Variants in OGA observed in about 807,000 individuals in gnomAD.
The protein encoded by OGA is O-GlcNAcase, also known as protein O-GlcNAcase.
Under a neutral mutation model 102.0 loss-of-function variants are expected in OGA, and 21 were observed. The ratio of observed to expected loss-of-function variants is 0.21; its 90% CI spans 0.15 to 0.30. The LOEUF is 0.30. Among genes scored for constraint, OGA ranks in the 10% least tolerant of loss-of-function variants. OGA has a pLI of 1.00. For synonymous variants in OGA, 408 were observed against 378.2 expected (o/e 1.08, Z -0.91); for missense variants, 765 against 1,107.8 (o/e 0.69, Z 4.39).
Position 101,818,305 on chromosome 10 carries a change from G to A in OGA, c.-283C>T, listed in dbSNP as rs891320936. The A allele has an allele frequency of 8.8e-5, 107 of 1,213,292 alleles. No homozygotes were observed. The highest frequency in any genetic ancestry group is 1.1e-4 in the Non-Finnish European group (104 of 970,996). 75.2% of individuals were successfully genotyped at this position (1,213,292 alleles called of 1,614,324 possible). A position where few individuals can be genotyped will look rare whatever the true frequency, so the allele number is the denominator to read the frequency against. On this transcript the variant is annotated 5_prime_UTR_variant, in exon 1 of 16. Transcript: ENST00000361464. ...CGAGGCTGTGACCTCTCGTTCCCTG[G>A]AAGAAGACGGCCAAGGGTCCTGTCC... is the stretch of plus-strand genomic sequence containing the variant.
rs2065331122 is a variant in OGA, at chr10:101,797,527, G to A, written c.1984+453C>T. 4 of 214,032 alleles carry A rather than the reference G, an allele frequency of 1.9e-5. No homozygotes were observed. The South Asian group carries it at 3.5e-4, about 19-fold the overall frequency. 13.3% of individuals were successfully genotyped at this position (214,032 alleles called of 1,614,324 possible). ...ACACTAAAGCTCGCATGCGCACAGG[G>A]CTGGGAGGATGGCTTCCTCTTGCCA... On this transcript the variant is annotated intron_variant, in intron 10 of 15. Transcript: ENST00000361464.
intron 15 of OGA, 64 bp from the exon 16 acceptor site, chr10:101,786,651 A>G: frequency 2.3e-6 from 3 of 1,293,600 alleles, no homozygotes; most frequent in Non-Finnish European, 2.1e-6. Flanking sequence ...TATAGATATA[A>G]AACTATAATC....
intron 6 of OGA, among the ~76,000 whole-genome samples, chr10:101,804,851 C>T (rs1465050127): frequency 6.6e-6 from 1 of 152,150 alleles, no homozygotes; most frequent in African/African-American, 2.4e-5. Context: ...TCAACTCAAG[C>T]CTCCCACAGC....
rs1219101094 is a variant in OGA, at chr10:101,818,440, T to G, written c.-418A>C. 5.0e-6 allele frequency: 5 copies of G among 1,005,808 alleles called. No homozygotes were observed. The highest frequency in any genetic ancestry group is 1.7e-5 in the African/African-American group (1 of 57,740). 62.3% of individuals were successfully genotyped at this position (1,005,808 alleles called of 1,614,324 possible). A position where few individuals can be genotyped will look rare whatever the true frequency, so the allele number is the denominator to read the frequency against. On this transcript the variant is annotated 5_prime_UTR_variant, in exon 1 of 16. Coordinates refer to ENST00000361464, the MANE Select transcript of OGA (RefSeq NM_012215.5). ...GCCTCCACCGCCCGCTTCCTGTTTA[T>G]CCGCACTGCGCTTGCGCTGCAGACC...
At position 101,807,883 on chromosome 10, in the gene OGA, T is replaced by C; in HGVS notation, c.499A>G (p.Arg167Gly). The C allele has an allele frequency of 2.6e-6, 4 of 1,541,414 alleles. 1 individual carries two copies. The highest frequency in any genetic ancestry group is 2.5e-5 in the South Asian group (2 of 78,580). ...KLDQVSQFGC[R>G]SFALLFDDID... ...TCATCAAAAAGCAAAGCAAATGATC[T>C]GCACCCAAACTGAGAAACCTAGGAG... The change falls in exon 5 of 16, where the codon AGA becomes GGA. Residue 167 changes from arginine (R) to glycine (G), a missense_variant. Arg to Gly is a moderately radical substitution (Grantham distance 125). Transcript: ENST00000361464.
At chr10:101,803,662 T>G in intron 7 of OGA, 73 bp downstream of exon 7, 1 of 1,374,080 alleles carries the variant, frequency 7.3e-7, no homozygotes. Context: ...GACAAAGGAA[T>G]GCATACTTTC....
intron 3 of OGA, among the ~76,000 whole-genome samples, chr10:101,812,261 G>A (rs889853701): frequency 6.6e-6 from 1 of 152,054 alleles, no homozygotes; most frequent in African/African-American, 2.4e-5. Context: ...TAGCAGGCCG[G>A]CCGGGCACAG....
chr10:101,800,870 G>A (rs1231425855), intron 7 of OGA, among the ~76,000 whole-genome samples: 1 of 150,820 alleles, frequency 6.6e-6, no homozygotes, highest in African/African-American at 2.4e-5. Context: ...CGCCTCACAG[G>A]TTCAAGCAAT....
chr10:101,817,695 T>G, intron 1 of OGA, 129 bp downstream of exon 1: 2 of 1,073,976 alleles, frequency 1.9e-6, no homozygotes, highest in African/African-American at 1.6e-5. Context: ...CTCCCCTCGC[T>G]TTAGGAGGGC....
chr10:101,812,976 T>C, intron 3 of OGA, 54 bp downstream of exon 3: 1 of 1,307,392 alleles, frequency 7.6e-7, no homozygotes, highest in Non-Finnish European at 1.1e-6. Flanking sequence ...ACATTTAAAA[T>C]ATAACCGTTT....
chr10:101,798,580 A>G (rs920057848), intron 9 of OGA, among the ~76,000 whole-genome samples: 6 of 151,746 alleles, frequency 4.0e-5, no homozygotes, highest in African/African-American at 1.5e-4. Context: ...TGCCCGGCTA[A>G]TTTTTGTATT....
intron 1 of OGA, among the ~76,000 whole-genome samples, chr10:101,817,403 G>T (rs1589845178): frequency 1.3e-5 from 2 of 152,240 alleles, no homozygotes; most frequent in South Asian, 2.1e-4. Flanking sequence ...CTTCACTCCA[G>T]AAGTACAAGC....
chr10:101,811,358 C>T (rs532427674), intron 3 of OGA, among the ~76,000 whole-genome samples: 1 of 139,674 alleles, frequency 7.2e-6, no homozygotes, highest in Non-Finnish European at 1.5e-5. Context: ...CACTGCACCC[C>T]AGTCTGGACG....
At chr10:101,786,636 A>C (rs191517666) in intron 15 of OGA, 49 bp from the exon 16 acceptor site, 2 of 1,383,602 alleles carry the variant, frequency 1.4e-6, no homozygotes, top group African/African-American at 2.9e-5. Flanking sequence ...CTTAATTAGT[A>C]TAATTATAGA....
At chr10:101,815,855 G>T (rs17770756) in intron 1 of OGA, among the ~76,000 whole-genome samples, 7,434 of 150,392 alleles carry the variant, frequency 0.049, 199 homozygotes, top group Middle Eastern at 0.098. Context: ...AAAACCAAGA[G>T]AGTTTTGTGA....
intron 8 of OGA, 22 bp from the exon 9 acceptor site, chr10:101,799,477 T>C (rs887780185): frequency 1.3e-6 from 2 of 1,589,866 alleles, no homozygotes; most frequent in South Asian, 2.2e-5. Context: ...AATAAATGTA[T>C]AAATAAAATG....
intron 1 of OGA, among the ~76,000 whole-genome samples, chr10:101,814,247 T>TGAACC (rs2135098266): frequency 6.6e-6 from 1 of 151,946 alleles, no homozygotes; most frequent in East Asian, 2.0e-4. Flanking sequence ...AACAATCACT[T>TGAACC]GAACCTGGGA....
At position 101,807,729 on chromosome 10, in the gene OGA, C is replaced by T; in HGVS notation, c.652+1G>A. ...AAATGTAAAGCCATTATATACAATA[C>T]CTGTGGGACAGAAGAGGAAAGTTTC... On this transcript the variant is annotated splice_donor_variant, in intron 5 of 15. Transcript: ENST00000361464. LOFTEE classifies it high-confidence loss of function. 1.3e-6 allele frequency: 2 copies of T among 1,584,068 alleles called. No individual in the cohort carries two copies. The highest frequency in any genetic ancestry group is 1.7e-6 in the Non-Finnish European group (2 of 1,166,244).
Position 101,800,325 on chromosome 10 carries a change from T to C in OGA, c.1112A>G (p.Asp371Gly). 2 of 1,613,052 alleles carry C rather than the reference T, an allele frequency of 1.2e-6. No individual in the cohort carries two copies. Among genetic ancestry groups the C allele is most frequent in the Non-Finnish European group, 1.7e-6 (2 of 1,178,946 alleles). Residue 371 changes from aspartate to glycine, a missense_variant, in exon 8 of 16, where the codon GAT becomes GGT. Around this residue, in one of 7 missense-constraint regions of OGA, gnomAD observed 281 missense variants for 345.8 expected, o/e 0.81. Coordinates refer to ENST00000361464, the MANE Select transcript of OGA (RefSeq NM_012215.5). ...NEGSDEDIET[D>G]VLYSPQMALK... ...AGCCATCTGTGGACTATAGAGTACA[T>C]CAGTTTCAATATCTTCATCACTGCC...
Sources: allele counts gnomAD v4.1 joint callset (sites outside exome capture counted in the v4.1 genomes callset), GRCh38; gene constraint gnomAD v4.1.1; regional missense constraint gnomAD v4.1.1; transcripts MANE v1.5; gene names NCBI Gene and HGNC (gene_info 2026-07-23, HGNC 2026-07-21).